Variants in CNIH3 observed in about 807,000 individuals in gnomAD.
CNIH3 encodes the protein protein cornichon homolog 3.
CNIH3 carries 14 observed loss-of-function variants against 24.1 expected under a neutral mutation model. The observed-to-expected ratio is 0.58, with a 90% confidence interval of 0.38 to 0.91. The LOEUF (loss-of-function observed/expected upper bound fraction) is 0.91, where lower values mean the gene tolerates loss of function less well. Among genes scored for constraint, CNIH3 ranks in the 40% least tolerant of loss-of-function variants. CNIH3 has a pLI of 0.00. For synonymous variants in CNIH3, 68 were observed against 73.8 expected (o/e 0.92, Z 0.40); for missense variants, 178 against 196.8 (o/e 0.90, Z 0.57).
At chr1:224,599,701 C>T (rs1296325260) in intron 3 of CNIH3, among the ~76,000 whole-genome samples, 3 of 151,756 alleles carry the variant, frequency 2.0e-5, no homozygotes, top group Non-Finnish European at 4.4e-5. Flanking sequence ...AAAATTTATC[C>T]TTATATGCTT....
intron 1 of CNIH3, chr1:224,661,548 G>T: frequency 2.8e-6 from 1 of 356,462 alleles, no homozygotes; most frequent in Non-Finnish European, 5.4e-6. Flanking sequence ...GATTTTCAAA[G>T]TAGGTAAATG....
intron 1 of CNIH3, among the ~76,000 whole-genome samples, chr1:224,671,771 C>A (rs1297646808): frequency 1.3e-5 from 2 of 152,200 alleles, no homozygotes; most frequent in Admixed American, 6.5e-5. Flanking sequence ...GACCCTGAGT[C>A]TTTTTCTAGA....
At chr1:224,487,901 T>G (rs1572346401) in intron 1 of CNIH3, among the ~76,000 whole-genome samples, 2 of 152,340 alleles carry the variant, frequency 1.3e-5, no homozygotes, top group East Asian at 3.9e-4. Flanking sequence ...AACCCTTTCC[T>G]TCTTTATTGT....
At chr1:224,694,346 G>C (rs1458178638) in intron 3 of CNIH3, among the ~76,000 whole-genome samples, 3 of 152,212 alleles carry the variant, frequency 2.0e-5, no homozygotes. Context: ...CATGGCAGCA[G>C]GAGAAGAAAC....
At chr1:224,633,540 G>A (rs1340870614) in intron 1 of CNIH3, among the ~76,000 whole-genome samples, 2 of 152,182 alleles carry the variant, frequency 1.3e-5, no homozygotes, top group Non-Finnish European at 2.9e-5. Flanking sequence ...CTCATAAAAT[G>A]GATGGAAAGT....
At position 224,730,521 on chromosome 1, in the gene CNIH3, A is replaced by G; in HGVS notation, c.258A>G (p.Gln86=). The G allele has an allele frequency of 6.4e-7, 1 of 1,562,086 alleles. No homozygotes were observed. Among genetic ancestry groups the G allele is most frequent in the South Asian group, 1.2e-5 (1 of 84,762 alleles). ...SLFCIMFLCA[Q]EWLTLGLNVP... is the part of the protein sequence containing the mutation. ...TCTGCATTATGTTCCTGTGTGCGCA[A>G]GAGTGGCTCACGCTGGGGCTGAATG... The change falls in exon 4 of 6, where the codon CAA becomes CAG. Residue 86 remains glutamine, a synonymous_variant. Transcript: ENST00000272133.
At position 224,636,403 on chromosome 1, in the gene CNIH3, C is replaced by G. The variant is rs1004715982; in HGVS notation, c.81+19148C>G. ...ACCTAGAGAGGTAAAGTGACTTGGT[C>G]GAGATCACAGCCTATTCAGGACGAA... is the stretch of plus-strand genomic sequence containing the variant. On this transcript the variant is annotated intron_variant, in intron 1 of 5. Coordinates refer to ENST00000272133, the MANE Select transcript of CNIH3 (RefSeq NM_152495.2). Among the ~76,000 whole-genome samples, 3 of 152,156 alleles carry G rather than the reference C, an allele frequency of 2.0e-5. No homozygotes were observed. In the South Asian group the frequency reaches 6.2e-4, roughly 32 times the overall value.
At chr1:224,685,675 T>C (rs1686621859) in intron 3 of CNIH3, among the ~76,000 whole-genome samples, 1 of 152,196 alleles carries the variant, frequency 6.6e-6, no homozygotes, top group South Asian at 2.1e-4. Flanking sequence ...TATGCCAACA[T>C]TGATAGAAGG....
intron 4 of CNIH3, among the ~76,000 whole-genome samples, chr1:224,732,764 G>A (rs913755254): frequency 7.2e-5 from 11 of 152,156 alleles, no homozygotes; most frequent in East Asian, 1.9e-4. Flanking sequence ...TGGGGCTAGC[G>A]CTTGTCCAAA....
intron 1 of CNIH3, 147 bp from the exon 2 acceptor site, chr1:224,680,811 C>A: frequency 1.5e-6 from 1 of 645,678 alleles, no homozygotes; most frequent in Non-Finnish European, 2.8e-6. Context: ...TTGCCAGCTT[C>A]GACAGTGACC....
At chr1:224,685,495 A>C (rs1049502664) in intron 3 of CNIH3, among the ~76,000 whole-genome samples, 11 of 152,194 alleles carry the variant, frequency 7.2e-5, no homozygotes, top group African/African-American at 2.7e-4. Context: ...TTCCCAAAAA[A>C]GTGTGTGCTT....
chr1:224,501,046 G>A (rs964040875), intron 1 of CNIH3, among the ~76,000 whole-genome samples: 6 of 152,170 alleles, frequency 3.9e-5, no homozygotes, highest in South Asian at 4.1e-4. Flanking sequence ...AGCCTTGCTC[G>A]TGGGCCACCT....
chr1:224,711,323 TC>T (rs1244116418), intron 3 of CNIH3, among the ~76,000 whole-genome samples: 4 of 125,262 alleles, frequency 3.2e-5, no homozygotes, highest in Admixed American at 8.3e-5. Flanking sequence ...TCTCTCTCTC[TC>T]TTTTTTTTTT....
At chr1:224,722,808 G>C (rs1310691918) in intron 3 of CNIH3, among the ~76,000 whole-genome samples, 1 of 152,234 alleles carries the variant, frequency 6.6e-6, no homozygotes. Flanking sequence ...CCAGGCTGTA[G>C]AGCAGGGCAC....
At chr1:224,547,775 A>G (rs946659699) in intron 3 of CNIH3, among the ~76,000 whole-genome samples, 5 of 152,034 alleles carry the variant, frequency 3.3e-5, no homozygotes, top group Non-Finnish European at 5.9e-5. Context: ...CGTAATACCG[A>G]ATGAGATATT....
In CNIH3 at chr1:224,463,773, A is replaced by ATTTTTTTTTTTTTTTTTTTTT. The variant is rs56137320; in HGVS notation, n.203+28927_203+28947dup. ...TTCTCCCAGCTTATGAATTGTCCTC[A>ATTTTTTTTTTTTTTTTTTTTT]TTTTTTTTTTTTTTTTTTTTTTTTT... On this transcript the variant is annotated intron_variant and non_coding_transcript_variant, in intron 1 of 5. Coordinates refer to the CNIH3 transcript ENST00000471578. Among the ~76,000 whole-genome samples, 8 of 20,706 alleles carry ATTTTTTTTTTTTTTTTTTTTT rather than the reference A, an allele frequency of 3.9e-4. 1 individual carries two copies. The highest frequency in any genetic ancestry group is 3.0e-4 in the Non-Finnish European group (4 of 13,354). The allele number at this position is 20,706 out of a possible 152,430, so 13.6% of individuals were successfully genotyped here.
In CNIH3 at chr1:224,568,123, T is replaced by C. The variant is rs573754130; in HGVS notation, n.516+1859T>C. Among the ~76,000 whole-genome samples, 28 of 151,998 alleles carry C rather than the reference T, an allele frequency of 1.8e-4. No homozygotes were observed. The East Asian group carries it at 2.3e-3, about 13-fold the overall frequency. The stretch of plus-strand genomic sequence containing the variant: ...TGGCCAACATGGTAAAACCCCGTCT[T>C]TACTAAAAATACAAAAATTAGCTGG... On this transcript the variant is annotated intron_variant and non_coding_transcript_variant, in intron 4 of 5. Transcript: ENST00000471578.
intron 1 of CNIH3, among the ~76,000 whole-genome samples, chr1:224,467,807 A>C (rs956253396): frequency 7.3e-5 from 11 of 150,988 alleles, no homozygotes; most frequent in Admixed American, 6.6e-4. Context: ...TTTTTTTTCC[A>C]AAAGTTTCAT....
downstream of CNIH3, among the ~76,000 whole-genome samples, chr1:224,593,107 C>G (rs59931444): frequency 0.047 from 7,172 of 151,564 alleles, 571 homozygotes; most frequent in African/African-American, 0.16. Flanking sequence ...GTTCTCCCCA[C>G]TTCCCGTCCC....
Sources: allele counts gnomAD v4.1 joint callset (sites outside exome capture counted in the v4.1 genomes callset), GRCh38; gene constraint gnomAD v4.1.1; transcripts MANE v1.5; gene names NCBI Gene and HGNC (gene_info 2026-07-23, HGNC 2026-07-21).